Variants in ADARB2 observed in about 807,000 individuals in gnomAD.
The protein encoded by ADARB2 is adenosine deaminase RNA specific B2 (inactive).
In ADARB2, 25 loss-of-function variants were observed where a neutral mutation model predicts 62.2. That is an observed-to-expected ratio of 0.40 (90% CI 0.29 to 0.56). The LOEUF (loss-of-function observed/expected upper bound fraction) is 0.56. Among genes scored for constraint, ADARB2 ranks in the 20% least tolerant of loss-of-function variants. The pLI, the probability that ADARB2 is intolerant of heterozygous loss-of-function variation, is 0.43. For synonymous variants in ADARB2, 572 were observed against 500.8 expected (o/e 1.14, Z -1.90); for missense variants, 1,071 against 1,077.4 (o/e 0.99, Z 0.08).
intron 1 of ADARB2, among the ~76,000 whole-genome samples, chr10:1,631,908 C>G (rs1833848537): frequency 6.6e-6 from 1 of 152,192 alleles, no homozygotes; most frequent in Admixed American, 6.5e-5. Flanking sequence ...TTCTCACCTT[C>G]TTCTTCTGAA....
intron 5 of ADARB2, among the ~76,000 whole-genome samples, chr10:1,234,624 T>C (rs918570522): frequency 6.6e-6 from 1 of 151,668 alleles, no homozygotes; most frequent in Non-Finnish European, 1.5e-5. Flanking sequence ...TACTTTTTTT[T>C]AGAGACAGGG....
At chr10:1,459,220 G>T (rs1455137698) in intron 1 of ADARB2, among the ~76,000 whole-genome samples, 1 of 151,916 alleles carries the variant, frequency 6.6e-6, no homozygotes, top group Non-Finnish European at 1.5e-5. Context: ...AAAGACGTAC[G>T]CACGTGTATG....
intron 1 of ADARB2, among the ~76,000 whole-genome samples, chr10:1,657,979 CAGTCTCTCTCTCTCTT>C (rs1834193424): frequency 1.1e-5 from 1 of 88,582 alleles, no homozygotes; most frequent in African/African-American, 3.4e-5. Flanking sequence ...CTCTCTATCT[CAGTCTCTCTCTCTCTT>C]TCTGTGTCTC....
intron 1 of ADARB2, among the ~76,000 whole-genome samples, chr10:1,728,523 A>G (rs955716365): frequency 6.6e-6 from 1 of 152,132 alleles, no homozygotes; most frequent in Non-Finnish European, 1.5e-5. Context: ...TCGTGTGCAT[A>G]TATTAGACAT....
intron 1 of ADARB2, among the ~76,000 whole-genome samples, chr10:1,506,493 A>G (rs1465254989): frequency 6.6e-6 from 1 of 152,182 alleles, no homozygotes; most frequent in Non-Finnish European, 1.5e-5. Context: ...CTTTTCTGTT[A>G]GTTTCAGCGA....
chr10:1,557,677 G>A (rs2131983516), intron 1 of ADARB2, among the ~76,000 whole-genome samples: 1 of 152,264 alleles, frequency 6.6e-6, no homozygotes, highest in East Asian at 1.9e-4. Flanking sequence ...ACCCAGGCGG[G>A]TGGATCACCT....
chr10:1,285,963 A>C (rs1160196786), intron 3 of ADARB2, among the ~76,000 whole-genome samples: 1 of 152,190 alleles, frequency 6.6e-6, no homozygotes, highest in African/African-American at 2.4e-5. Flanking sequence ...ACGGCTGAAA[A>C]ATCAGAAAGG....
intron 3 of ADARB2, among the ~76,000 whole-genome samples, chr10:1,320,971 T>C (rs1021474685): frequency 1.3e-5 from 2 of 152,202 alleles, no homozygotes; most frequent in Middle Eastern, 3.2e-3. Flanking sequence ...TTGGGATTCA[T>C]TGTTCAGTGG....
intron 3 of ADARB2, among the ~76,000 whole-genome samples, chr10:1,309,445 C>T (rs2131821977): frequency 6.6e-6 from 1 of 152,304 alleles, no homozygotes; most frequent in South Asian, 2.1e-4. Context: ...GTCTAGTGGG[C>T]CAGGGCTGGC....
Position 1,200,024 on chromosome 10 carries a change from G to A in ADARB2, c.1806C>T (p.Arg602=). The A allele has an allele frequency of 1.3e-6, 2 of 1,592,102 alleles. No individual in the cohort carries two copies. Among genetic ancestry groups the A allele is most frequent in the Non-Finnish European group, 1.7e-6 (2 of 1,173,934 alleles). ...TGHLARVMSH[R]MEGVGQLPAS... is the part of the protein sequence containing the mutation. ...CGGGCAGCTGGCCGACACCCTCCAT[G>A]CGGTGGCTCATGACGCGTGCGAGGT... is the stretch of plus-strand genomic sequence containing the variant. Residue 602 remains arginine, a synonymous_variant, in exon 8 of 10, where the codon CGC becomes CGT. Coordinates refer to ENST00000381312, the MANE Select transcript of ADARB2 (RefSeq NM_018702.4).
At chr10:1,221,336 A>C (rs1244149278) in intron 6 of ADARB2, among the ~76,000 whole-genome samples, 5 of 151,936 alleles carry the variant, frequency 3.3e-5, no homozygotes, top group Admixed American at 3.3e-4. Context: ...ATAAAACCCT[A>C]GATAAAACCC....
intron 1 of ADARB2, among the ~76,000 whole-genome samples, chr10:1,663,680 C>T (rs1834279032): frequency 6.6e-6 from 1 of 151,690 alleles, no homozygotes; most frequent in Non-Finnish European, 1.5e-5. Context: ...AGTGCAGTGA[C>T]GTGATCTCGG....
intron 1 of ADARB2, among the ~76,000 whole-genome samples, chr10:1,428,962 T>C (rs1385811183): frequency 6.6e-6 from 1 of 151,866 alleles, no homozygotes; most frequent in Non-Finnish European, 1.5e-5. Flanking sequence ...AGTGTCTATA[T>C]TCTGGTCTGA....
chr10:1,625,789 C>A (rs1249583525), intron 1 of ADARB2, among the ~76,000 whole-genome samples: 1 of 145,684 alleles, frequency 6.9e-6, no homozygotes, highest in Non-Finnish European at 1.5e-5. Context: ...CCCCTCTCAC[C>A]CTTCTCCTGC....
At chr10:1,548,523 T>G (rs1283351942) in intron 1 of ADARB2, among the ~76,000 whole-genome samples, 1 of 152,136 alleles carries the variant, frequency 6.6e-6, no homozygotes, top group African/African-American at 2.4e-5. Flanking sequence ...GACTTTGAAT[T>G]TGGGAAGGCC....
At chr10:1,315,231 G>A (rs1294005690) in intron 3 of ADARB2, among the ~76,000 whole-genome samples, 3 of 152,134 alleles carry the variant, frequency 2.0e-5, no homozygotes, top group Non-Finnish European at 4.4e-5. Context: ...CGGAAGAGCC[G>A]AGCCAGGCAC....
intron 1 of ADARB2, among the ~76,000 whole-genome samples, chr10:1,720,093 C>G (rs1835071584): frequency 6.6e-6 from 1 of 152,194 alleles, no homozygotes; most frequent in East Asian, 1.9e-4. Context: ...CATCGCAGCA[C>G]TATTCACAAT....
At chr10:1,399,252 A>G (rs998935566) in intron 1 of ADARB2, among the ~76,000 whole-genome samples, 1 of 152,140 alleles carries the variant, frequency 6.6e-6, no homozygotes, top group African/African-American at 2.4e-5. Flanking sequence ...TTCATGGGTA[A>G]CAAGGAGAAA....
chr10:1,357,192 G>T (rs1419959815), intron 3 of ADARB2, among the ~76,000 whole-genome samples: 1 of 152,164 alleles, frequency 6.6e-6, no homozygotes, highest in Admixed American at 6.5e-5. Flanking sequence ...TCCTCCATTC[G>T]ATTTATTCAC....
Sources: gnomAD v4.1 joint callset for allele counts (sites outside exome capture counted in the v4.1 genomes callset) on GRCh38, gnomAD v4.1.1 for gene constraint, MANE v1.5 for transcripts, NCBI Gene and HGNC (gene_info 2026-07-23, HGNC 2026-07-21) for gene names.